CENPW: variants seen among roughly 807,000 people sequenced by gnomAD.
CENPW encodes centromere protein W.
In CENPW, 3 loss-of-function variants were observed where a neutral mutation model predicts 11.1. That is an observed-to-expected ratio of 0.27 (90% CI 0.12 to 0.70). CENPW has a LOEUF of 0.70. Ranked by LOEUF, CENPW falls within the 30% of genes least tolerant of loss-of-function variation. The probability of loss-of-function intolerance (pLI) is 0.77; values close to 1 mark genes in which losing one functional copy is unlikely to be tolerated. For missense variants in CENPW, 100 were observed against 105.6 expected, an observed-to-expected ratio of 0.95 and a Z score of 0.23; for synonymous variants, 38 against 42.0, an observed-to-expected ratio of 0.91 and a Z score of 0.37.
At chr6:126,398,281 G>A in the CENPW span, among the ~76,000 whole-genome samples, 1 of 152,188 alleles carries the variant, frequency 6.6e-6, no homozygotes, top group African/African-American at 2.4e-5. Context: ...ACCTGTGTCT[G>A]TTTTGTTTGC....
At chr6:126,470,523 G>C in the CENPW span, among the ~76,000 whole-genome samples, 1 of 152,256 alleles carries the variant, frequency 6.6e-6, no homozygotes, top group Non-Finnish European at 1.5e-5. Context: ...TGGGTTTAGA[G>C]TCCCCATACA....
chr6:126,378,431 A>G, the CENPW span, among the ~76,000 whole-genome samples: 3 of 151,124 alleles, frequency 2.0e-5, no homozygotes, highest in Non-Finnish European at 4.4e-5. Flanking sequence ...ATAACCACAC[A>G]TATAAGGGCC....
the CENPW span, among the ~76,000 whole-genome samples, chr6:126,378,454 A>G: frequency 9.5e-5 from 13 of 136,470 alleles, no homozygotes; most frequent in Admixed American, 1.0e-3. Context: ...TAAAGTTAAA[A>G]TGTCCCTTGA....
At chr6:126,443,244 T>C in the CENPW span, among the ~76,000 whole-genome samples, 1 of 151,294 alleles carries the variant, frequency 6.6e-6, no homozygotes, top group Non-Finnish European at 1.5e-5. Context: ...GAGTCTCTAT[T>C]GATCTGTAAG....
At chr6:126,483,206 T>A in the CENPW span, among the ~76,000 whole-genome samples, 1 of 151,860 alleles carries the variant, frequency 6.6e-6, no homozygotes, top group Non-Finnish European at 1.5e-5. Flanking sequence ...TATTTTTAAT[T>A]TTTTTGTAGA....
the CENPW span, among the ~76,000 whole-genome samples, chr6:126,468,959 C>T: frequency 2.6e-5 from 4 of 152,144 alleles, no homozygotes; most frequent in African/African-American, 4.8e-5. Flanking sequence ...CACACCACCA[C>T]GCCTGGCTAA....
chr6:126,480,789 T>A, the CENPW span, among the ~76,000 whole-genome samples: 4 of 152,030 alleles, frequency 2.6e-5, no homozygotes, highest in Admixed American at 6.6e-5. Context: ...ATTTTCTCAG[T>A]GCAACATTTC....
the CENPW span, among the ~76,000 whole-genome samples, chr6:126,360,428 C>T: frequency 6.6e-6 from 1 of 152,054 alleles, no homozygotes; most frequent in Non-Finnish European, 1.5e-5. Context: ...CCTATAGTAC[C>T]TAGCTAGGGT....
the CENPW span, among the ~76,000 whole-genome samples, chr6:126,355,350 C>CT: frequency 6.6e-6 from 1 of 152,058 alleles, no homozygotes; most frequent in Non-Finnish European, 1.5e-5. Flanking sequence ...ATTTTTGACT[C>CT]TAAAATGTTT....
the CENPW span, among the ~76,000 whole-genome samples, chr6:126,412,274 G>A: frequency 1.3e-5 from 2 of 151,634 alleles, no homozygotes; most frequent in East Asian, 3.9e-4. Flanking sequence ...AGGCATGAAC[G>A]ACCACAGCCT....
At chr6:126,454,518 A>G in the CENPW span, among the ~76,000 whole-genome samples, 1 of 151,426 alleles carries the variant, frequency 6.6e-6, no homozygotes, top group African/African-American at 2.4e-5. Context: ...ATTCTTTGAA[A>G]TTAATGAGAA....
At chr6:126,373,570 A>G in the CENPW span, among the ~76,000 whole-genome samples, 1 of 152,190 alleles carries the variant, frequency 6.6e-6, no homozygotes, top group Non-Finnish European at 1.5e-5. Flanking sequence ...GTTCACTTGA[A>G]GTTTCTCATA....
At chr6:126,423,307 T>C in the CENPW span, among the ~76,000 whole-genome samples, 2 of 152,132 alleles carry the variant, frequency 1.3e-5, no homozygotes, top group Non-Finnish European at 2.9e-5. Context: ...TCCTCTCTCT[T>C]CTACATTTGT....
At chr6:126,423,681 A>G in the CENPW span, among the ~76,000 whole-genome samples, 2 of 151,968 alleles carry the variant, frequency 1.3e-5, no homozygotes, top group African/African-American at 4.8e-5. Flanking sequence ...GCATTTTCCA[A>G]TTAAGGAATC....
chr6:126,480,945 C>G, the CENPW span, among the ~76,000 whole-genome samples: 4 of 151,634 alleles, frequency 2.6e-5, no homozygotes, highest in East Asian at 5.8e-4. Context: ...TTTTTTTACC[C>G]CAGGGAAAAT....
chr6:126,472,469 A>G, the CENPW span, among the ~76,000 whole-genome samples: 3 of 152,174 alleles, frequency 2.0e-5, no homozygotes, highest in Non-Finnish European at 4.4e-5. Flanking sequence ...TGACTTACCC[A>G]TGCTGGTGCA....
chr6:126,371,434 A>C, the CENPW span, among the ~76,000 whole-genome samples: 3 of 152,238 alleles, frequency 2.0e-5, no homozygotes, highest in African/African-American at 7.2e-5. Flanking sequence ...CCCTGATATG[A>C]AACCCAGTTG....
chr6:126,458,835 T>C, the CENPW span, among the ~76,000 whole-genome samples: 1 of 151,388 alleles, frequency 6.6e-6, no homozygotes, highest in African/African-American at 2.4e-5. Context: ...ATTAGAATAA[T>C]AATAAAATGT....
chr6:126,422,606 A>T, the CENPW span, among the ~76,000 whole-genome samples: 2 of 152,112 alleles, frequency 1.3e-5, no homozygotes, highest in Non-Finnish European at 2.9e-5. Context: ...AGTCTATCAC[A>T]GTCTTTCATT....
Sources: allele counts gnomAD v4.1 joint callset (sites outside exome capture counted in the v4.1 genomes callset), GRCh38; gene constraint gnomAD v4.1.1; transcripts MANE v1.5; gene names NCBI Gene and HGNC (gene_info 2026-07-23, HGNC 2026-07-21).